The following AMOTL2 variants were observed in gnomAD, a reference collection of about 807,000 sequenced individuals.
AMOTL2 encodes the protein angiomotin like 2, also known as angiomotin-like protein 2.
AMOTL2 carries 33 observed loss-of-function variants against 78.4 expected under a neutral mutation model. The ratio of observed to expected loss-of-function variants is 0.42; its 90% CI spans 0.32 to 0.56. AMOTL2 has a LOEUF of 0.56. AMOTL2 is among the 20% of genes least tolerant of loss of function. AMOTL2 has a pLI of 0.12. For synonymous variants in AMOTL2, 422 were observed against 428.8 expected, an observed-to-expected ratio of 0.98 and a Z score of 0.20; for missense variants, 983 against 1,030.1, an observed-to-expected ratio of 0.95 and a Z score of 0.63.
At position 134,370,989 on chromosome 3, in the gene AMOTL2, C is replaced by A; in HGVS notation, c.445G>T (p.Glu149Ter). Residue 149 changes from glutamate to a stop codon, truncating the protein, a stop_gained, in exon 2 of 10, where the codon GAG becomes TAG. Coordinates refer to ENST00000249883, the MANE Select transcript of AMOTL2 (RefSeq NM_016201.4). LOFTEE classifies it high-confidence loss of function. ...GSRRQDEALRELRHGHVRSLS... is the reference protein window; with the variant it reads ...GSRRQDEALR Reference sequence around the variant, plus strand: ...GAGCGCACGTGCCCATGCCTCAGCTCCCGCAGGGCCTCGTCCTGCCTCCGA... The same window carrying A: ...GAGCGCACGTGCCCATGCCTCAGCTACCGCAGGGCCTCGTCCTGCCTCCGA... The A allele has an allele frequency of 6.2e-7, 1 of 1,604,108 alleles. No homozygotes were observed.
rs2017179879 is a variant in AMOTL2 at position 134,358,568 on chromosome 3, G to A, written c.2256C>T (p.Cys752=). 1 of 1,614,018 alleles carries A rather than the reference G, an allele frequency of 6.2e-7. No homozygotes were observed. The highest frequency in any genetic ancestry group is 1.3e-5 in the African/African-American group (1 of 75,060). Residue 752 remains cysteine (C), a synonymous_variant, in exon 9 of 10, where the codon TGC becomes TGT. Transcript: ENST00000249883. ...GAGAGGCTGCTCTCTGGCTACTGCT[G>A]CACCCCAGAAGGCTGTCAGGCTCCG... ...LPPEPDSLLG[C]SSSQRAASLD... is the part of the protein sequence containing the mutation.
At chr3:134,366,010 G>A in intron 4 of AMOTL2, 101 bp from the exon 5 acceptor site, 1 of 1,291,450 alleles carries the variant, frequency 7.7e-7, no homozygotes, top group Non-Finnish European at 1.1e-6. Context: ...CTCCATATTG[G>A]GGATGGGTTC....
At chr3:134,374,218 G>A in intron 1 of AMOTL2, 124 bp downstream of exon 1, 1 of 984,870 alleles carries the variant, frequency 1.0e-6, no homozygotes, top group South Asian at 4.7e-5. Context: ...TGCGCCCCGA[G>A]GACGCTCGAT....
chr3:134,360,686 T>C (rs4974486), intron 6 of AMOTL2, among the ~76,000 whole-genome samples: 49,679 of 152,068 alleles, frequency 0.33, 9,446 homozygotes, highest in East Asian at 0.91. Flanking sequence ...AAAACTGGTG[T>C]ACATTAGAAC....
At chr3:134,359,563 T>A (rs1302433275) in intron 7 of AMOTL2, 60 bp from the exon 8 acceptor site, 1 of 1,411,554 alleles carries the variant, frequency 7.1e-7, no homozygotes, top group African/African-American at 1.4e-5. Context: ...GCCTCCACCC[T>A]TCCTGCCTCA....
intron 2 of AMOTL2, among the ~76,000 whole-genome samples, chr3:134,369,195 A>G (rs2017741357): frequency 6.6e-6 from 1 of 152,200 alleles, no homozygotes; most frequent in South Asian, 2.1e-4. Flanking sequence ...GCTTCCAGTA[A>G]GAGCTGGGAA....
At chr3:134,358,786 G>A in intron 8 of AMOTL2, 67 bp from the exon 9 acceptor site, 3 of 1,580,614 alleles carry the variant, frequency 1.9e-6, no homozygotes, top group Non-Finnish European at 2.6e-6. Context: ...GACACTCTAA[G>A]TTAACTGTCC....
At chr3:134,359,139 C>T in intron 8 of AMOTL2, 144 bp downstream of exon 8, 1 of 859,200 alleles carries the variant, frequency 1.2e-6, no homozygotes, top group Non-Finnish European at 1.8e-6. Context: ...TCACTAGAGG[C>T]AGAGAATAAG....
At position 134,371,022 on chromosome 3, in the gene AMOTL2, C is replaced by T; in HGVS notation, c.412G>A (p.Gly138Arg). ...AGDRDPRGAP[G>R]GSRRQDEALR... ...GCCTCGTCCTGCCTCCGACTGCCTC[C>T]CGGGGCCCCACGGGGATCTCGGTCC... The change falls in exon 2 of 10, where the codon GGA becomes AGA. Residue 138 changes from glycine (G) to arginine (R), a missense_variant. Transcript: ENST00000249883. The T allele has an allele frequency of 3.7e-6, 6 of 1,605,214 alleles. No homozygotes were observed. The highest frequency in any genetic ancestry group is 5.1e-6 in the Non-Finnish European group (6 of 1,175,930).
intron 1 of AMOTL2, chr3:134,373,639 C>G (rs1306613910): frequency 1.0e-6 from 1 of 985,392 alleles, no homozygotes; most frequent in Non-Finnish European, 1.2e-6. Flanking sequence ...CTAGGAGGTT[C>G]TGGCACCCCA....
chr3:134,366,788 G>A lies in AMOTL2; in HGVS notation c.1042-361C>T, dbSNP rs1446080516. 8.1e-5 allele frequency: 16 copies of A among 197,436 alleles called. No individual in the cohort carries two copies. In the East Asian group the frequency reaches 2.3e-3, roughly 28 times the overall value. 12.2% of individuals were successfully genotyped at this position (197,436 alleles called of 1,614,324 possible). ...GGCTTCCACCAAGAAACTGAGTACA[G>A]TTGGCCAGAAGTGGGCACCGAAAGA... On this transcript the variant is annotated intron_variant, in intron 3 of 9. Coordinates refer to ENST00000249883, the MANE Select transcript of AMOTL2 (RefSeq NM_016201.4).
chr3:134,372,558 A>C (rs28629985), intron 1 of AMOTL2, among the ~76,000 whole-genome samples: 134 of 46,598 alleles, frequency 2.9e-3, no homozygotes, highest in African/African-American at 0.01. Context: ...CACACACACA[A>C]ACACACACAC....
intron 6 of AMOTL2, 76 bp from the exon 7 acceptor site, chr3:134,360,489 C>T (rs565973296): frequency 6.2e-5 from 78 of 1,258,176 alleles, no homozygotes; most frequent in African/African-American, 1.2e-4. Context: ...CGCCTCCACA[C>T]GACTGTCACT....
intron 2 of AMOTL2, among the ~76,000 whole-genome samples, chr3:134,368,097 G>C (rs191400036): frequency 2.0e-4 from 30 of 152,242 alleles, no homozygotes; most frequent in Admixed American, 1.4e-3. Flanking sequence ...ACAGTGGCTG[G>C]GGCCTTGGGG....
intron 1 of AMOTL2, among the ~76,000 whole-genome samples, chr3:134,372,762 G>A (rs2017923714): frequency 6.6e-6 from 1 of 152,144 alleles, no homozygotes; most frequent in South Asian, 2.1e-4. Context: ...GATTATATCG[G>A]AGAAAGGAGT....
At chr3:134,358,045 C>A (rs948156702) in intron 9 of AMOTL2, among the ~76,000 whole-genome samples, 2 of 152,162 alleles carry the variant, frequency 1.3e-5, no homozygotes, top group South Asian at 4.1e-4. Context: ...CAGGCTGCAG[C>A]ATTCTTTTCA....
intron 7 of AMOTL2, among the ~76,000 whole-genome samples, 190 bp downstream of exon 7, chr3:134,359,916 T>G (rs2017275505): frequency 6.6e-6 from 1 of 152,156 alleles, no homozygotes; most frequent in South Asian, 2.1e-4. Flanking sequence ...GACCAAGGAC[T>G]CGGTATTTCT....
At chr3:134,374,233 G>A (rs2017999353) in intron 1 of AMOTL2, 109 bp downstream of exon 1, 1 of 985,396 alleles carries the variant, frequency 1.0e-6, no homozygotes, top group Non-Finnish European at 1.2e-6. Context: ...CTCGATCCTC[G>A]AGGCTCCGAC....
chr3:134,375,304 A>G, upstream of AMOTL2: 11 of 1,457,772 alleles, frequency 7.5e-6, no homozygotes, highest in Non-Finnish European at 9.3e-6. Flanking sequence ...CAGTCATCCG[A>G]TTCAGCCCTG....
Sources: allele counts gnomAD v4.1 joint callset (sites outside exome capture counted in the v4.1 genomes callset), GRCh38; gene constraint gnomAD v4.1.1; transcripts MANE v1.5; gene names NCBI Gene and HGNC (gene_info 2026-07-23, HGNC 2026-07-21).